The following TRPC5 variants were observed in gnomAD, a reference collection of about 807,000 sequenced individuals.
TRPC5 encodes the protein transient receptor potential cation channel subfamily C member 5, also known as short transient receptor potential channel 5.
TRPC5 carries 9 observed loss-of-function variants against 56.5 expected under a neutral mutation model. That is an observed-to-expected ratio of 0.16 (90% CI 0.10 to 0.28). The LOEUF is 0.28. TRPC5 is among the 10% of genes least tolerant of loss of function. TRPC5 has a pLI of 1.00. For synonymous variants in TRPC5, 282 were observed against 278.5 expected, an observed-to-expected ratio of 1.01 and a Z score of -0.13; for missense variants, 469 against 748.9, an observed-to-expected ratio of 0.63 and a Z score of 4.36.
intron 2 of TRPC5, among the ~76,000 whole-genome samples, chrX:111,942,669 C>T (rs746311886): frequency 8.9e-6 from 1 of 112,158 alleles, no homozygotes; most frequent in South Asian, 3.7e-4. Context: ...ATCACTTTGG[C>T]CAGTATGATG....
chrX:111,784,276 CAAAAG>C (rs1470912295), intron 7 of TRPC5, among the ~76,000 whole-genome samples: 1 of 111,491 alleles, frequency 9.0e-6, no homozygotes. Flanking sequence ...AACCAAGTGA[CAAAAG>C]AAAATAGGTA....
intron 2 of TRPC5, among the ~76,000 whole-genome samples, chrX:111,932,326 A>G (rs894158804): frequency 3.6e-5 from 4 of 111,859 alleles, no homozygotes; most frequent in African/African-American, 1.3e-4. Context: ...GTCCAAACAC[A>G]TCAAACTGGA....
chrX:112,027,642 G>A (rs1203830989), intron 1 of TRPC5, among the ~76,000 whole-genome samples: 2 of 110,835 alleles, frequency 1.8e-5, no homozygotes, highest in South Asian at 3.9e-4. Flanking sequence ...GACTACAGGC[G>A]CCCGCCACCA....
intron 9 of TRPC5, 175 bp downstream of exon 9, chrX:111,780,990 A>G: frequency 1.9e-6 from 1 of 531,360 alleles, no homozygotes; most frequent in Admixed American, 2.6e-5. Context: ...CAGGATTATA[A>G]AGCAGGTGAT....
At chrX:112,009,795 A>G (rs1030985639) in intron 1 of TRPC5, among the ~76,000 whole-genome samples, 29 of 110,792 alleles carry the variant, frequency 2.6e-4, no homozygotes, top group African/African-American at 9.5e-4. Context: ...GAATCGAACA[A>G]TGAGAACACT....
chrX:111,794,304 G>T (rs147590842), intron 7 of TRPC5, among the ~76,000 whole-genome samples: 51 of 111,504 alleles, frequency 4.6e-4, no homozygotes, highest in Non-Finnish European at 8.7e-4. Flanking sequence ...TAATCTATAT[G>T]TCCATCTCTG....
At chrX:111,961,312 T>C (rs770938619) in intron 1 of TRPC5, among the ~76,000 whole-genome samples, 96 of 112,336 alleles carry the variant, frequency 8.5e-4, no homozygotes, top group African/African-American at 2.7e-3. Context: ...CTTCTTCCCC[T>C]ATGCATTTTT....
At chrX:111,864,880 A>G (rs946348422) in intron 3 of TRPC5, among the ~76,000 whole-genome samples, 7 of 111,786 alleles carry the variant, frequency 6.3e-5, no homozygotes, top group Admixed American at 3.8e-4. Context: ...GTAACTTTTT[A>G]ACTTTTCATG....
At chrX:111,918,356 G>T (rs1926034878) in intron 2 of TRPC5, among the ~76,000 whole-genome samples, 1 of 111,362 alleles carries the variant, frequency 9.0e-6, no homozygotes, top group Admixed American at 9.6e-5. Context: ...AAGTTGGCAG[G>T]GTGTGTGGGG....
chrX:112,045,837 T>A (rs1426128189), intron 1 of TRPC5, among the ~76,000 whole-genome samples: 1 of 111,796 alleles, frequency 8.9e-6, no homozygotes, highest in Non-Finnish European at 1.9e-5. Context: ...ATTCGATTTA[T>A]CAAACTGGGA....
At chrX:111,946,974 C>T (rs979461265) in intron 2 of TRPC5, among the ~76,000 whole-genome samples, 1 of 112,057 alleles carries the variant, frequency 8.9e-6, no homozygotes, top group Non-Finnish European at 1.9e-5. Flanking sequence ...CATTAAATCA[C>T]CCAGGCACTT....
chrX:111,922,570 G>A (rs139950763), intron 2 of TRPC5, among the ~76,000 whole-genome samples: 43 of 112,198 alleles, frequency 3.8e-4, no homozygotes, highest in African/African-American at 1.4e-3. Flanking sequence ...TTCCTGCTCT[G>A]CCTATCTATC....
rs1203872742 is a variant in TRPC5 at position 111,847,107 on chromosome X, G to A, written c.1700+7C>T. 23 of 1,197,923 alleles carry A rather than the reference G, an allele frequency of 1.9e-5. No homozygotes were observed. The highest frequency in any genetic ancestry group is 2.3e-4 in the Middle Eastern group (1 of 4,281). On this transcript the variant is annotated splice_region_variant and intron_variant, in intron 6 of 10. Transcript: ENST00000262839. ...ATAAATAAATAAAGGAAAGGGGATC[G>A]TCTTACGTGGAGAAGGCATTGTTCT...
intron 1 of TRPC5, among the ~76,000 whole-genome samples, chrX:111,968,533 T>G (rs1927676342): frequency 9.0e-6 from 1 of 110,532 alleles, no homozygotes; most frequent in African/African-American, 3.3e-5. Context: ...TACGTATGTT[T>G]ATTGCGGCAC....
At chrX:111,920,828 A>T (rs1411061789) in intron 2 of TRPC5, among the ~76,000 whole-genome samples, 1 of 111,593 alleles carries the variant, frequency 9.0e-6, no homozygotes, top group African/African-American at 3.3e-5. Context: ...CCACTTTCAG[A>T]TAGAGTGGAT....
At chrX:111,814,492 G>A (rs1921800215) in intron 7 of TRPC5, among the ~76,000 whole-genome samples, 1 of 110,579 alleles carries the variant, frequency 9.0e-6, no homozygotes, top group Non-Finnish European at 1.9e-5. Flanking sequence ...AAAGTGTCAG[G>A]GCCAAAAAGA....
chrX:111,945,729 G>C (rs577342520), intron 2 of TRPC5, among the ~76,000 whole-genome samples: 1 of 112,133 alleles, frequency 8.9e-6, no homozygotes, highest in Non-Finnish European at 1.9e-5. Context: ...AGAGCAGACA[G>C]CTTCTTACTT....
Position 111,770,294 on chromosome X carries a change from C to T in TRPC5, c.*6019G>A. Among the ~76,000 whole-genome samples, 1 of 111,215 alleles carries T rather than the reference C, an allele frequency of 9.0e-6. No homozygotes were observed. The highest frequency in any genetic ancestry group is 1.9e-5 in the Non-Finnish European group (1 of 52,997). On this transcript the variant is annotated 3_prime_UTR_variant, in exon 11 of 11. Transcript: ENST00000262839. ...TAAAGTGTACATATTTATGAAAGCC[C>T]ATCTGTGATATTGCATTATGGGTGT...
chrX:111,906,030 A>T lies in TRPC5; in HGVS notation c.900+6261T>A, dbSNP rs1300739823. Among the ~76,000 whole-genome samples the T allele has an allele frequency of 2.7e-5, 3 of 110,562 alleles. No homozygotes were observed. The Admixed American group carries it at 2.9e-4, about 11-fold the overall frequency. On this transcript the variant is annotated intron_variant, in intron 3 of 10. Transcript: ENST00000262839. Reference sequence around the variant, plus strand: ...AAGGGGGCCACAGTTATGAAACATAACTTTAGTGTTTCAGATTCCTCTAAT... The same window carrying T: ...AAGGGGGCCACAGTTATGAAACATATCTTTAGTGTTTCAGATTCCTCTAAT...
Sources: allele counts gnomAD v4.1 joint callset (sites outside exome capture counted in the v4.1 genomes callset), GRCh38; gene constraint gnomAD v4.1.1; transcripts MANE v1.5; gene names NCBI Gene and HGNC (gene_info 2026-07-23, HGNC 2026-07-21).